The following TNS1 variants were observed in gnomAD, a reference collection of about 807,000 sequenced individuals.
TNS1 encodes tensin 1, also known as tensin-1.
Under a neutral mutation model 168.6 loss-of-function variants are expected in TNS1, and 62 were observed. That is an observed-to-expected ratio of 0.37 (90% CI 0.30 to 0.45). TNS1 has a LOEUF of 0.45. TNS1 is among the 20% of genes least tolerant of loss of function. The pLI is 1.00. For synonymous variants in TNS1, 934 were observed against 933.2 expected (o/e 1.00, Z -0.02); for missense variants, 2,240 against 2,339.4 (o/e 0.96, Z 0.88).
At chr2:217,897,764 G>T in intron 8 of TNS1, 34 bp downstream of exon 8, 1 of 1,556,822 alleles carries the variant, frequency 6.4e-7, no homozygotes. Context: ...AGCATAGAGG[G>T]CACAGGACAG....
In TNS1 at chr2:217,905,267, AC is replaced by A. The variant is rs1247415183; in HGVS notation, c.321+1067del. 8 of 330,830 alleles carry A rather than the reference AC, an allele frequency of 2.4e-5. No homozygotes were observed. In the Admixed American group the frequency reaches 3.1e-4, roughly 13 times the overall value. 20.5% of individuals were successfully genotyped at this position (330,830 alleles called of 1,614,324 possible). On this transcript the variant is annotated intron_variant, in intron 6 of 32. Transcript: ENST00000682258. ...ACAAGGGCCCCTCCCCAGTATGAGTACCCCACGCCCAGGGGAACTCATGCAT... is the reference window on the plus strand; with the variant it reads ...ACAAGGGCCCCTCCCCAGTATGAGTACCCACGCCCAGGGGAACTCATGCAT...
intron 18 of TNS1, chr2:217,849,886 C>T (rs1326958879): frequency 1.0e-6 from 1 of 985,324 alleles, no homozygotes; most frequent in East Asian, 1.1e-4. Context: ...GGCAGGGAGG[C>T]TGAAGGCAGA....
At chr2:217,951,203 G>T (rs1230583939) in intron 3 of TNS1, among the ~76,000 whole-genome samples, 1 of 152,168 alleles carries the variant, frequency 6.6e-6, no homozygotes, top group Non-Finnish European at 1.5e-5. Context: ...CCTCGAGCAA[G>T]TTATTTCACT....
intron 24 of TNS1, among the ~76,000 whole-genome samples, chr2:217,815,980 C>T (rs1941831528): frequency 6.6e-6 from 1 of 152,170 alleles, no homozygotes; most frequent in Admixed American, 6.5e-5. Flanking sequence ...ACAGCACCCC[C>T]ACACACACCC....
rs1937452755 is a variant in TNS1, at chr2:217,801,324, A to G, written c.*3135T>C. 1 of 152,218 alleles carries G rather than the reference A, an allele frequency of 6.6e-6. No homozygotes were observed. Among genetic ancestry groups the G allele is most frequent in the African/African-American group, 2.4e-5 (1 of 41,420 alleles). The allele number at this position is 152,218 out of a possible 1,614,324, so 9.4% of individuals were successfully genotyped here. ...CTCTTGCTCCCTTTGGGAAAAAGCC[A>G]CGTGGAGCTCACTGGGCCCCTCCCC... On this transcript the variant is annotated 3_prime_UTR_variant, in exon 33 of 33. Transcript: ENST00000682258.
At chr2:217,884,332 T>G (rs537317160) in intron 16 of TNS1, among the ~76,000 whole-genome samples, 2 of 152,200 alleles carry the variant, frequency 1.3e-5, no homozygotes, top group East Asian at 3.9e-4. Context: ...AATGGATGGA[T>G]GGATGGATGG....
intron 6 of TNS1, among the ~76,000 whole-genome samples, chr2:217,901,407 G>A (rs913347412): frequency 7.2e-5 from 11 of 152,328 alleles, no homozygotes; most frequent in African/African-American, 2.6e-4. Context: ...GACAGCTGTT[G>A]TTTTTGTTGT....
chr2:218,011,081 C>T (rs1028160991), upstream of TNS1, among the ~76,000 whole-genome samples: 1 of 152,216 alleles, frequency 6.6e-6, no homozygotes, highest in Non-Finnish European at 1.5e-5. Flanking sequence ...TGGACCAGCA[C>T]TCTAGGGCTG....
intron 3 of TNS1, among the ~76,000 whole-genome samples, chr2:217,957,554 T>C (rs908910808): frequency 7.2e-5 from 11 of 152,176 alleles, no homozygotes; most frequent in Admixed American, 2.6e-4. Flanking sequence ...TATGTCAATA[T>C]ATGATTACTA....
chr2:217,991,101 G>C (rs749519745), intron 1 of TNS1, 45 bp from the exon 2 acceptor site: 1 of 569,572 alleles, frequency 1.8e-6, no homozygotes, highest in African/African-American at 1.8e-5. Flanking sequence ...AGAAGGCTGG[G>C]GTCCTGGGGA....
rs939696434 is a variant in TNS1 at position 217,838,278 on chromosome 2, GACAA to G, written c.3008-2071_3008-2068del. Among the ~76,000 whole-genome samples, 7 of 152,282 alleles carry G rather than the reference GACAA, an allele frequency of 4.6e-5. No individual in the cohort carries two copies. The South Asian group carries it at 6.2e-4, about 14-fold the overall frequency. On this transcript the variant is annotated intron_variant, in intron 19 of 32. Transcript: ENST00000682258. ...TGCATTTGAGGCACCGAATCTCCTG[GACAA>G]ACAAAGAACATTCTGCCCAACCTTC... is the stretch of plus-strand genomic sequence containing the variant.
At chr2:218,022,313 C>G (rs1958812557) in intron 1 of TNS1, among the ~76,000 whole-genome samples, 1 of 152,126 alleles carries the variant, frequency 6.6e-6, no homozygotes, top group Admixed American at 6.5e-5. Context: ...CCCACCATGC[C>G]CAGGCCTGAC....
At position 217,829,385 on chromosome 2, in the gene TNS1, C is replaced by CA. The variant is rs965743333; in HGVS notation, c.3373+2069dup. Among the ~76,000 whole-genome samples the CA allele has an allele frequency of 9.9e-5, 15 of 150,774 alleles. No homozygotes were observed. The South Asian group carries it at 1.0e-3, about 11-fold the overall frequency. On this transcript the variant is annotated intron_variant, in intron 22 of 32. Transcript: ENST00000682258. Reference sequence around the variant, plus strand: ...GGACAACAAGAGCAAAACTCCATCTCAAAAAAAAAGGCGTCATTCAGGCCA... The same window carrying CA: ...GGACAACAAGAGCAAAACTCCATCTCAAAAAAAAAAGGCGTCATTCAGGCCA...
At chr2:217,932,274 G>A (rs779201989) in intron 3 of TNS1, among the ~76,000 whole-genome samples, 11 of 152,226 alleles carry the variant, frequency 7.2e-5, no homozygotes, top group Non-Finnish European at 1.3e-4. Context: ...TGGACTGGGA[G>A]TCAGGCATGG....
intron 23 of TNS1, among the ~76,000 whole-genome samples, chr2:217,820,352 C>T (rs1454559431): frequency 6.6e-6 from 1 of 152,178 alleles, no homozygotes; most frequent in Admixed American, 6.5e-5. Context: ...GGAAATGCAA[C>T]CCTCGGCCAG....
At chr2:217,808,140 T>C in intron 31 of TNS1, 33 bp from the exon 32 acceptor site, 2 of 1,610,966 alleles carry the variant, frequency 1.2e-6, no homozygotes, top group Non-Finnish European at 1.7e-6. Flanking sequence ...GGGTAAATCA[T>C]CGTACTTTCT....
At chr2:217,924,312 T>A (rs1461361198) in intron 3 of TNS1, among the ~76,000 whole-genome samples, 2 of 151,584 alleles carry the variant, frequency 1.3e-5, no homozygotes, top group African/African-American at 4.9e-5. Flanking sequence ...TCTCTCTCTC[T>A]CTCACACACA....
chr2:217,891,745 C>G (rs1951764786), intron 11 of TNS1, among the ~76,000 whole-genome samples: 1 of 152,210 alleles, frequency 6.6e-6, no homozygotes, highest in Non-Finnish European at 1.5e-5. Flanking sequence ...TTCCCCTCCT[C>G]TTCCTCTTCC....
chr2:217,959,402 A>G (rs1957441103), intron 3 of TNS1, among the ~76,000 whole-genome samples: 1 of 151,790 alleles, frequency 6.6e-6, no homozygotes, highest in African/African-American at 2.4e-5. Context: ...GTGTCTTAGC[A>G]TGGAACCTTA....
Sources: gnomAD v4.1 joint callset for allele counts (sites outside exome capture counted in the v4.1 genomes callset) on GRCh38, gnomAD v4.1.1 for gene constraint, MANE v1.5 for transcripts, NCBI Gene and HGNC (gene_info 2026-07-23, HGNC 2026-07-21) for gene names.